GLIS3: variants seen among roughly 807,000 people sequenced by gnomAD.
GLIS3 encodes zinc finger protein GLIS3.
In GLIS3, 53 loss-of-function variants were observed where a neutral mutation model predicts 78.6. The ratio of observed to expected loss-of-function variants is 0.67; its 90% CI spans 0.54 to 0.85. The LOEUF (loss-of-function observed/expected upper bound fraction) is 0.85. Ranked by LOEUF, GLIS3 falls within the 40% of genes least tolerant of loss-of-function variation. The pLI, the probability that GLIS3 is intolerant of heterozygous loss-of-function variation, is 0.00. For synonymous variants in GLIS3, 684 were observed against 509.9 expected, an observed-to-expected ratio of 1.34 and a Z score of -4.60; for missense variants, 1,703 against 1,231.1, an observed-to-expected ratio of 1.38 and a Z score of -5.74.
rs1360098797 is a variant in GLIS3 at position 3,824,974 on chromosome 9, C to G, written c.*3298G>C. 2 of 148,168 alleles carry G rather than the reference C, an allele frequency of 1.3e-5. No homozygotes were observed. Among genetic ancestry groups the G allele is most frequent in the African/African-American group, 2.5e-5 (1 of 40,326 alleles). The allele number at this position is 148,168 out of a possible 1,614,324, so 9.2% of individuals were successfully genotyped here. A position where few individuals can be genotyped will look rare whatever the true frequency, so the allele number is the denominator to read the frequency against. Reference sequence around the variant, plus strand: ...AATTCCACACCACTAACAAAAAGTGCTATTTAAAAATGCTTCCATAAAATG... The same window carrying G: ...AATTCCACACCACTAACAAAAAGTGGTATTTAAAAATGCTTCCATAAAATG... On this transcript the variant is annotated 3_prime_UTR_variant, in exon 11 of 11. Transcript: ENST00000381971.
chr9:4,437,422 ATCTATC>A, the GLIS3 span, among the ~76,000 whole-genome samples: 60 of 56,922 alleles, frequency 1.1e-3, no homozygotes, highest in South Asian at 0.017. Flanking sequence ...GTATGTATGT[ATCTATC>A]TATCTATCTA....
At chr9:4,069,310 C>G (rs1002802801) in intron 4 of GLIS3, among the ~76,000 whole-genome samples, 3 of 152,316 alleles carry the variant, frequency 2.0e-5, no homozygotes, top group Middle Eastern at 6.8e-3. Flanking sequence ...ATTGGAAAGC[C>G]TGCCTGGCTG....
At chr9:3,884,038 T>TA (rs1767895699) in intron 7 of GLIS3, among the ~76,000 whole-genome samples, 1 of 152,210 alleles carries the variant, frequency 6.6e-6, no homozygotes, top group South Asian at 2.1e-4. Flanking sequence ...TTTATAATTT[T>TA]AACAAAGCAG....
chr9:4,282,897 T>C (rs1409276263), intron 2 of GLIS3, among the ~76,000 whole-genome samples: 1 of 152,146 alleles, frequency 6.6e-6, no homozygotes, highest in Non-Finnish European at 1.5e-5. Flanking sequence ...TCATGGCCCT[T>C]CCTCTGGCTT....
the GLIS3 span, among the ~76,000 whole-genome samples, chr9:4,436,078 C>T: frequency 6.6e-6 from 1 of 152,190 alleles, no homozygotes; most frequent in African/African-American, 2.4e-5. Context: ...ATTTGTGGCT[C>T]ACAGCACTGA....
intron 2 of GLIS3, among the ~76,000 whole-genome samples, chr9:4,267,488 G>T (rs1455474528): frequency 1.3e-5 from 2 of 152,136 alleles, no homozygotes; most frequent in East Asian, 1.9e-4. Context: ...AAATGAAATT[G>T]CCAACCCCAC....
At chr9:4,252,660 G>C (rs866090815) in intron 2 of GLIS3, among the ~76,000 whole-genome samples, 1 of 152,110 alleles carries the variant, frequency 6.6e-6, no homozygotes, top group Non-Finnish European at 1.5e-5. Context: ...TGCTGGTGAG[G>C]AGTTGTGATC....
chr9:4,382,289 G>A, the GLIS3 span, among the ~76,000 whole-genome samples: 494 of 152,276 alleles, frequency 3.2e-3, 1 homozygote, highest in African/African-American at 0.011. Flanking sequence ...GTTTGTTCCA[G>A]AAGAATCCTG....
chr9:4,238,390 TGAGA>T (rs1252420747), intron 2 of GLIS3, among the ~76,000 whole-genome samples: 1 of 152,212 alleles, frequency 6.6e-6, no homozygotes, highest in African/African-American at 2.4e-5. Context: ...TATTTGAGAA[TGAGA>T]GAGTCTACCC....
At chr9:4,229,863 T>C (rs1037001195) in intron 2 of GLIS3, among the ~76,000 whole-genome samples, 1 of 152,272 alleles carries the variant, frequency 6.6e-6, no homozygotes, top group African/African-American at 2.4e-5. Flanking sequence ...AACTTACTTA[T>C]TTCTTAATAT....
rs1817815733 is a variant in GLIS3 at position 3,827,987 on chromosome 9, AG to A, written c.*284del. 2 of 464,750 alleles carry A rather than the reference AG, an allele frequency of 4.3e-6. No homozygotes were observed. Among genetic ancestry groups the A allele is most frequent in the South Asian group, 2.1e-5 (1 of 46,850 alleles). 28.8% of individuals were successfully genotyped at this position (464,750 alleles called of 1,614,324 possible). The stretch of plus-strand genomic sequence containing the variant: ...TGGGGTCCTTTAAGGGTTGACAGCC[AG>A]GAAGTAACAGGTATCCAGGAGAGTG... On this transcript the variant is annotated 3_prime_UTR_variant, in exon 11 of 11. Coordinates refer to ENST00000381971, the MANE Select transcript of GLIS3 (RefSeq NM_001042413.2).
At chr9:3,972,420 T>C (rs753750518) in intron 4 of GLIS3, among the ~76,000 whole-genome samples, 44 of 152,210 alleles carry the variant, frequency 2.9e-4, no homozygotes, top group South Asian at 1.0e-3. Context: ...GAGGGCATGT[T>C]AGCCTGCAAA....
intron 2 of GLIS3, among the ~76,000 whole-genome samples, chr9:4,134,932 T>A (rs1833286703): frequency 6.6e-6 from 1 of 152,156 alleles, no homozygotes; most frequent in African/African-American, 2.4e-5. Context: ...TGCCCTGGAC[T>A]AGGGAGATAA....
At chr9:3,926,167 G>C (rs1418889959) in intron 6 of GLIS3, among the ~76,000 whole-genome samples, 1 of 151,982 alleles carries the variant, frequency 6.6e-6, no homozygotes, top group African/African-American at 2.4e-5. Context: ...AGTAGTATCA[G>C]GTTCTTTTTT....
intron 1 of GLIS3, among the ~76,000 whole-genome samples, chr9:4,296,006 G>A (rs183925340): frequency 6.6e-6 from 1 of 151,938 alleles, no homozygotes; most frequent in East Asian, 1.9e-4. Context: ...CCAAACTTAG[G>A]GAAAAGTAAA....
the GLIS3 span, among the ~76,000 whole-genome samples, chr9:4,356,055 G>C: frequency 6.6e-6 from 1 of 152,162 alleles, no homozygotes; most frequent in South Asian, 2.1e-4. Context: ...TCCAGCCCCA[G>C]CTCTAACACT....
chr9:3,867,204 G>A (rs530097694), intron 8 of GLIS3, among the ~76,000 whole-genome samples: 7 of 152,172 alleles, frequency 4.6e-5, no homozygotes, highest in Non-Finnish European at 1.0e-4. Context: ...TAGATAGGTC[G>A]GGGAAGCCAG....
chr9:4,312,480 A>T (rs571613715), intron 2 of GLIS3, among the ~76,000 whole-genome samples: 1 of 152,372 alleles, frequency 6.6e-6, no homozygotes, highest in East Asian at 1.9e-4. Flanking sequence ...AAAGAAAAAA[A>T]CTTTCCAGTT....
chr9:4,256,432 C>T (rs933748380), intron 2 of GLIS3, among the ~76,000 whole-genome samples: 11 of 152,160 alleles, frequency 7.2e-5, no homozygotes, highest in African/African-American at 2.4e-4. Flanking sequence ...ATAATAAAGA[C>T]ATCTAATTTT....
Sources: allele counts gnomAD v4.1 joint callset (sites outside exome capture counted in the v4.1 genomes callset), GRCh38; gene constraint gnomAD v4.1.1; transcripts MANE v1.5; gene names NCBI Gene and HGNC (gene_info 2026-07-23, HGNC 2026-07-21).